Variants in TENM2 observed in about 807,000 individuals in gnomAD.
The protein encoded by TENM2 is teneurin transmembrane protein 2.
Under a neutral mutation model 245.2 loss-of-function variants are expected in TENM2, and 52 were observed. That is an observed-to-expected ratio of 0.21 (90% CI 0.17 to 0.27). TENM2 has a LOEUF of 0.27. TENM2 is among the 10% of genes least tolerant of loss of function. The pLI is 1.00. For missense variants in TENM2, 3,046 were observed against 3,666.8 expected (o/e 0.83, Z 4.37); for synonymous variants, 1,363 against 1,438.9 (o/e 0.95, Z 1.19).
At chr5:168,184,119 C>G (rs1352164984) in intron 13 of TENM2, among the ~76,000 whole-genome samples, 1 of 152,232 alleles carries the variant, frequency 6.6e-6, no homozygotes, top group Non-Finnish European at 1.5e-5. Context: ...TCTATCATCA[C>G]TGATTAACTT....
chr5:167,873,565 C>A (rs1773163819), intron 2 of TENM2, among the ~76,000 whole-genome samples: 1 of 152,100 alleles, frequency 6.6e-6, no homozygotes, highest in Non-Finnish European at 1.5e-5. Context: ...ATAATTCTAA[C>A]CTCAAGGGAC....
At chr5:168,012,702 T>A (rs550606674) in intron 5 of TENM2, among the ~76,000 whole-genome samples, 2 of 145,910 alleles carry the variant, frequency 1.4e-5, no homozygotes, top group Admixed American at 7.1e-5. Context: ...TCCAAAGTCC[T>A]TCTCAGGATG....
chr5:168,186,620 A>G (rs1363888661), intron 13 of TENM2: 1 of 152,080 alleles, frequency 6.6e-6, no homozygotes, highest in East Asian at 1.9e-4. Flanking sequence ...GACTCTGCAA[A>G]CCTCTCCTAC....
At chr5:167,914,491 A>G (rs572297044) in intron 3 of TENM2, among the ~76,000 whole-genome samples, 11 of 152,320 alleles carry the variant, frequency 7.2e-5, no homozygotes, top group African/African-American at 2.6e-4. Context: ...GGGTCCACCC[A>G]GATAATCTAG....
chr5:167,798,080 T>C (rs1186930775), intron 2 of TENM2, among the ~76,000 whole-genome samples: 1 of 152,356 alleles, frequency 6.6e-6, no homozygotes, highest in East Asian at 1.9e-4. Flanking sequence ...CTCATCCTGA[T>C]AGTCCTCTTT....
intron 3 of TENM2, among the ~76,000 whole-genome samples, chr5:167,943,892 T>C (rs968167742): frequency 7.2e-5 from 11 of 152,164 alleles, no homozygotes; most frequent in Non-Finnish European, 8.8e-5. Flanking sequence ...GTAATGTAGA[T>C]TTACTGAAAT....
At chr5:167,008,827 A>G in the TENM2 span, among the ~76,000 whole-genome samples, 1 of 152,156 alleles carries the variant, frequency 6.6e-6, no homozygotes, top group Non-Finnish European at 1.5e-5. Context: ...AGTCATGTAT[A>G]TCGTTCCTAT....
the TENM2 span, among the ~76,000 whole-genome samples, chr5:167,034,094 T>G: frequency 6.6e-6 from 1 of 152,226 alleles, no homozygotes; most frequent in Non-Finnish European, 1.5e-5. Context: ...AAATGTACCT[T>G]AATTTTTCTA....
intron 2 of TENM2, among the ~76,000 whole-genome samples, chr5:167,541,739 C>G (rs1279014879): frequency 6.6e-6 from 1 of 151,980 alleles, no homozygotes; most frequent in Non-Finnish European, 1.5e-5. Context: ...TCTGATACCT[C>G]CAAGGAGCAT....
At chr5:168,034,275 A>AG (rs1301872205) in intron 5 of TENM2, among the ~76,000 whole-genome samples, 1 of 147,936 alleles carries the variant, frequency 6.8e-6, no homozygotes, top group Non-Finnish European at 1.5e-5. Flanking sequence ...TGAACCTGGG[A>AG]GGGTGCAGTG....
chr5:167,920,556 C>CACACACAA lies in TENM2; in HGVS notation c.713-32031_713-32030insCACACAAA, dbSNP rs1191230465. Among the ~76,000 whole-genome samples the CACACACAA allele has an allele frequency of 6.7e-5, 10 of 148,454 alleles. No individual in the cohort carries two copies. The East Asian group carries it at 2.0e-3, about 29-fold the overall frequency. ...ACACACACACACACACACACACACACAAATAGCATGGGCAAGGTACTATTG... is the reference window on the plus strand; with the variant it reads ...ACACACACACACACACACACACACACACACACAAAAATAGCATGGGCAAGGTACTATTG... On this transcript the variant is annotated intron_variant, in intron 3 of 28. Transcript: ENST00000518659.
intron 1 of TENM2, among the ~76,000 whole-genome samples, chr5:167,374,372 T>A (rs1760618101): frequency 6.6e-6 from 1 of 152,198 alleles, no homozygotes; most frequent in Non-Finnish European, 1.5e-5. Context: ...TAAGTCACTC[T>A]GATGTTCTCA....
At chr5:167,353,933 TA>T (rs1336798072) in intron 1 of TENM2, among the ~76,000 whole-genome samples, 1 of 152,186 alleles carries the variant, frequency 6.6e-6, no homozygotes, top group East Asian at 1.9e-4. Context: ...TTATCTGTAC[TA>T]GTATCCCATG....
At chr5:167,911,539 AAAACAAAAC>A (rs917397714) in intron 3 of TENM2, among the ~76,000 whole-genome samples, 1 of 152,208 alleles carries the variant, frequency 6.6e-6, no homozygotes, top group Non-Finnish European at 1.5e-5. Context: ...AAAACAAAAC[AAAACAAAAC>A]AAAAACAAAA....
At chr5:167,427,032 T>G (rs1763868418) in intron 2 of TENM2, among the ~76,000 whole-genome samples, 2 of 151,732 alleles carry the variant, frequency 1.3e-5, no homozygotes, top group Non-Finnish European at 2.9e-5. Flanking sequence ...CAACATGTGG[T>G]CAGGATGCCT....
chr5:167,750,871 T>C (rs1761913064), intron 2 of TENM2, among the ~76,000 whole-genome samples: 1 of 152,186 alleles, frequency 6.6e-6, no homozygotes, highest in Non-Finnish European at 1.5e-5. Flanking sequence ...CTGGTGCCAT[T>C]ATATCATATT....
chr5:167,717,593 A>T (rs1253482298), intron 2 of TENM2, among the ~76,000 whole-genome samples: 1 of 152,148 alleles, frequency 6.6e-6, no homozygotes, highest in African/African-American at 2.4e-5. Flanking sequence ...AGAATAAAAA[A>T]ATTAATTAAT....
the TENM2 span, among the ~76,000 whole-genome samples, chr5:167,176,621 C>A: frequency 6.6e-6 from 1 of 152,188 alleles, no homozygotes; most frequent in Non-Finnish European, 1.5e-5. Flanking sequence ...ACTTTCATAT[C>A]TCTGTGCTTT....
At chr5:167,793,330 G>A (rs1446782570) in intron 2 of TENM2, among the ~76,000 whole-genome samples, 1 of 152,056 alleles carries the variant, frequency 6.6e-6, no homozygotes, top group African/African-American at 2.4e-5. Context: ...TGGGATGGAA[G>A]AAGAGAGTTT....
Sources: allele counts gnomAD v4.1 joint callset (sites outside exome capture counted in the v4.1 genomes callset), GRCh38; gene constraint gnomAD v4.1.1; transcripts MANE v1.5; gene names NCBI Gene and HGNC (gene_info 2026-07-23, HGNC 2026-07-21).